Variants in TCAIM observed in about 807,000 individuals in gnomAD.
TCAIM encodes T cell activation inhibitor, mitochondrial.
TCAIM carries 36 observed loss-of-function variants against 58.6 expected under a neutral mutation model. The ratio of observed to expected loss-of-function variants is 0.61; its 90% CI spans 0.47 to 0.81. The LOEUF is 0.81. Ranked by LOEUF, TCAIM falls within the 30% of genes least tolerant of loss-of-function variation. The pLI, the probability that TCAIM is intolerant of heterozygous loss-of-function variation, is 0.00. For synonymous variants in TCAIM, 172 were observed against 193.6 expected (o/e 0.89, Z 0.93); for missense variants, 466 against 579.6 (o/e 0.80, Z 2.01).
chr3:44,400,905 G>A lies in TCAIM; in HGVS notation c.1119-298G>A, dbSNP rs937496650. The A allele has an allele frequency of 1.3e-5, 6 of 478,956 alleles. No individual in the cohort carries two copies. In the East Asian group the frequency reaches 1.6e-4, roughly 13 times the overall value. The allele number at this position is 478,956 out of a possible 1,614,324, so 29.7% of individuals were successfully genotyped here. Reference sequence around the variant, plus strand: ...ATTTGTGGTGTATACACTGTTTGCCGAGCACTGTGCTGGGTACTTATATGC... The same window carrying A: ...ATTTGTGGTGTATACACTGTTTGCCAAGCACTGTGCTGGGTACTTATATGC... On this transcript the variant is annotated intron_variant, in intron 9 of 10. Transcript: ENST00000342649.
chr3:44,359,086 T>A (rs923704748), intron 3 of TCAIM: 125 of 982,170 alleles, frequency 1.3e-4, no homozygotes, highest in East Asian at 7.9e-4. Flanking sequence ...GTATTTTTTT[T>A]AATTAAGACT....
At chr3:44,386,232 A>C (rs1018114607) in intron 5 of TCAIM, among the ~76,000 whole-genome samples, 5 of 150,636 alleles carry the variant, frequency 3.3e-5, no homozygotes, top group African/African-American at 9.8e-5. Context: ...AAAAAAAAAA[A>C]CACTTTAAAA....
At chr3:44,356,348 G>A (rs1418918124) in intron 2 of TCAIM, among the ~76,000 whole-genome samples, 4 of 152,106 alleles carry the variant, frequency 2.6e-5, no homozygotes, top group African/African-American at 7.2e-5. Flanking sequence ...CCAACATGGC[G>A]AAACACCGTC....
chr3:44,376,250 T>C (rs1197547097), intron 5 of TCAIM, among the ~76,000 whole-genome samples: 1 of 152,224 alleles, frequency 6.6e-6, no homozygotes, highest in Non-Finnish European at 1.5e-5. Flanking sequence ...GGTTGTACAC[T>C]TCTGTGAACA....
At chr3:44,391,910 T>C (rs1485492697) in intron 5 of TCAIM, among the ~76,000 whole-genome samples, 4 of 152,248 alleles carry the variant, frequency 2.6e-5, no homozygotes, top group African/African-American at 9.6e-5. Context: ...CCATCAGATA[T>C]GTCTGTTGAG....
intron 5 of TCAIM, among the ~76,000 whole-genome samples, chr3:44,391,766 G>A (rs574434191): frequency 1.3e-5 from 2 of 152,234 alleles, no homozygotes; most frequent in South Asian, 4.1e-4. Context: ...GAGGGAATAA[G>A]CATTGGGAGC....
intron 10 of TCAIM, among the ~76,000 whole-genome samples, chr3:44,402,608 A>T (rs986450191): frequency 3.3e-5 from 5 of 152,164 alleles, no homozygotes; most frequent in Non-Finnish European, 7.3e-5. Context: ...ACGTGCCCAA[A>T]GCTGAGATCA....
intron 3 of TCAIM, among the ~76,000 whole-genome samples, 174 bp from the exon 4 acceptor site, chr3:44,361,191 A>G (rs1701289833): frequency 6.6e-6 from 1 of 152,222 alleles, no homozygotes; most frequent in Non-Finnish European, 1.5e-5. Flanking sequence ...ATTCTGTTAC[A>G]TGTTGTGAGA....
chr3:44,407,798 T>C lies in TCAIM; in HGVS notation c.*116T>C. On this transcript the variant is annotated 3_prime_UTR_variant, in exon 11 of 11. Transcript: ENST00000342649. ...ACATAAGAACAAAGTTTCTAACTGC[T>C]GCTTTAAAAGTAGACTTTTTTAAAA... 4.4e-6 allele frequency: 5 copies of C among 1,132,096 alleles called. No homozygotes were observed. The highest frequency in any genetic ancestry group is 6.0e-6 in the Non-Finnish European group (5 of 838,882). The allele number at this position is 1,132,096 out of a possible 1,614,324, so 70.1% of individuals were successfully genotyped here. A position where few individuals can be genotyped will look rare whatever the true frequency, so the allele number is the denominator to read the frequency against.
At chr3:44,384,294 A>G (rs866130721) in intron 5 of TCAIM, among the ~76,000 whole-genome samples, 3 of 152,266 alleles carry the variant, frequency 2.0e-5, no homozygotes, top group Admixed American at 6.5e-5. Flanking sequence ...TTTCTGACCT[A>G]GAGTCTGGTT....
intron 5 of TCAIM, among the ~76,000 whole-genome samples, chr3:44,380,658 A>G (rs555921583): frequency 6.6e-5 from 10 of 152,282 alleles, no homozygotes; most frequent in African/African-American, 2.4e-4. Flanking sequence ...GCAGATAACC[A>G]AAGTAGATAT....
At chr3:44,400,693 T>C in intron 9 of TCAIM, 106 bp downstream of exon 9, 1 of 998,848 alleles carries the variant, frequency 1.0e-6, no homozygotes, top group South Asian at 1.5e-5. Context: ...TCTTAGGAAT[T>C]AAAGAAAAAA....
At chr3:44,371,738 T>C (rs1701473158) in intron 5 of TCAIM, among the ~76,000 whole-genome samples, 1 of 152,200 alleles carries the variant, frequency 6.6e-6, no homozygotes, top group Non-Finnish European at 1.5e-5. Flanking sequence ...TTGCCCAGTT[T>C]GAAGGAACCT....
intron 5 of TCAIM, among the ~76,000 whole-genome samples, chr3:44,392,183 A>G (rs1701849113): frequency 6.6e-6 from 1 of 152,230 alleles, no homozygotes; most frequent in African/African-American, 2.4e-5. Context: ...ATATGATTTG[A>G]CAGGTGTTGG....
At chr3:44,398,512 A>G (rs1320930019) in intron 8 of TCAIM, among the ~76,000 whole-genome samples, 3 of 151,464 alleles carry the variant, frequency 2.0e-5, no homozygotes, top group African/African-American at 7.3e-5. Flanking sequence ...ACCATAGTGC[A>G]TTATCACTAC....
intron 4 of TCAIM, among the ~76,000 whole-genome samples, 186 bp downstream of exon 4, chr3:44,361,704 C>T (rs1280895176): frequency 1.3e-5 from 2 of 152,096 alleles, no homozygotes; most frequent in Non-Finnish European, 2.9e-5. Flanking sequence ...TGATTTTTTG[C>T]GTGTTTAAAC....
intron 4 of TCAIM, among the ~76,000 whole-genome samples, chr3:44,367,241 C>G (rs998415285): frequency 3.3e-5 from 5 of 152,188 alleles, no homozygotes; most frequent in African/African-American, 1.2e-4. Context: ...TGGAGCCAAA[C>G]TAGAAAATGG....
rs141385165 is a variant in TCAIM, at chr3:44,378,249, C to T, written c.572+10541C>T. 9.1e-3 allele frequency among the ~76,000 whole-genome samples: 1,385 copies of T among 152,018 alleles called. 16 individuals carry two copies. The highest frequency in any genetic ancestry group is 0.047 in the South Asian group (226 of 4,804). ...TACAAAAATTAGTTGGGCATGGTGG[C>T]ACATGCCTGTAATCCCAGCTCTCAG... On this transcript the variant is annotated intron_variant, in intron 5 of 10. Coordinates refer to ENST00000342649, the MANE Select transcript of TCAIM (RefSeq NM_173826.4).
intron 5 of TCAIM, among the ~76,000 whole-genome samples, chr3:44,380,688 A>G (rs958368707): frequency 1.3e-5 from 2 of 152,164 alleles, no homozygotes; most frequent in African/African-American, 4.8e-5. Context: ...AAAATGGAGA[A>G]TAGAAAAAGG....
Sources: gnomAD v4.1 joint callset for allele counts (sites outside exome capture counted in the v4.1 genomes callset) on GRCh38, gnomAD v4.1.1 for gene constraint, MANE v1.5 for transcripts, NCBI Gene and HGNC (gene_info 2026-07-23, HGNC 2026-07-21) for gene names.